Variants in ARHGAP6 observed in about 807,000 individuals in gnomAD.
ARHGAP6 encodes rho GTPase-activating protein 6.
A neutral mutation model predicts 55.7 loss-of-function variants in ARHGAP6; 16 were observed. The ratio of observed to expected loss-of-function variants is 0.29; its 90% CI spans 0.19 to 0.44. ARHGAP6 has a LOEUF of 0.44. ARHGAP6 is among the 20% of genes least tolerant of loss of function. The pLI is 1.00. For synonymous variants in ARHGAP6, 382 were observed against 360.9 expected (o/e 1.06, Z -0.66); for missense variants, 698 against 808.9 (o/e 0.86, Z 1.66).
intron 1 of ARHGAP6, among the ~76,000 whole-genome samples, chrX:11,345,462 T>C (rs1355116479): frequency 1.8e-5 from 2 of 112,681 alleles, no homozygotes; most frequent in Admixed American, 9.3e-5. Context: ...AACAAATACA[T>C]AGATACTTGT....
At chrX:11,300,514 T>C in intron 1 of ARHGAP6, 1 of 770,837 alleles carries the variant, frequency 1.3e-6, no homozygotes, top group Non-Finnish European at 2.0e-6. Flanking sequence ...GTACATTGTT[T>C]TGACAAAACT....
chrX:11,227,702 C>T (rs919705512), intron 2 of ARHGAP6, among the ~76,000 whole-genome samples: 19 of 110,966 alleles, frequency 1.7e-4, no homozygotes, highest in African/African-American at 6.2e-4. Context: ...CCCAACTCTC[C>T]AGATTGACAG....
chrX:11,531,600 T>G (rs2051050290), intron 1 of ARHGAP6, among the ~76,000 whole-genome samples: 2 of 110,791 alleles, frequency 1.8e-5, no homozygotes, highest in African/African-American at 6.5e-5. Flanking sequence ...GGGGGTTCTT[T>G]TTTTTTTTGG....
intron 1 of ARHGAP6, among the ~76,000 whole-genome samples, chrX:11,346,188 C>T (rs986329754): frequency 4.5e-5 from 5 of 111,750 alleles, no homozygotes; most frequent in African/African-American, 1.6e-4. Flanking sequence ...AACAATTTTT[C>T]TCCCAGAGTA....
At chrX:11,531,580 A>G (rs2051049789) in intron 1 of ARHGAP6, among the ~76,000 whole-genome samples, 1 of 107,302 alleles carries the variant, frequency 9.3e-6, no homozygotes, top group African/African-American at 3.5e-5. Context: ...GTCAACCTAG[A>G]TTAATGACAG....
chrX:11,520,330 G>C (rs1272746271), intron 1 of ARHGAP6, among the ~76,000 whole-genome samples: 7 of 99,188 alleles, frequency 7.1e-5, no homozygotes, highest in African/African-American at 2.2e-4. Context: ...CCCCACAACA[G>C]GCCCCAGTGT....
chrX:11,139,326 G>A lies in ARHGAP6; in HGVS notation c.2462C>T (p.Thr821Met), dbSNP rs1159217685. The A allele has an allele frequency of 1.7e-5, 20 of 1,180,832 alleles. No individual in the cohort carries two copies. Among genetic ancestry groups the A allele is most frequent in the Non-Finnish European group, 3.4e-6 (3 of 881,411 alleles). The change falls in exon 13 of 13, where the codon ACG becomes ATG. Residue 821 changes from threonine (T) to methionine (M), a missense_variant. By Grantham distance (81) the Thr-to-Met change is moderately conservative (BLOSUM62 -1). Coordinates refer to ENST00000337414, the MANE Select transcript of ARHGAP6 (RefSeq NM_013427.3). Reference protein sequence around the residue: ...AHPAVSRACSTPHVQVAGKAE... With the variant: ...AHPAVSRACSMPHVQVAGKAE... ...TTTCCCTGCCACCTGGACGTGGGGC[G>A]TGCTGCAGGCGCGCGACACCGCAGG...
chrX:11,466,559 C>T (rs1321276502), intron 1 of ARHGAP6, among the ~76,000 whole-genome samples: 3 of 111,864 alleles, frequency 2.7e-5, no homozygotes, highest in East Asian at 2.8e-4. Flanking sequence ...GGCTGGAGTG[C>T]AGTGGCACAA....
At chrX:11,481,790 C>G (rs2050459165) in intron 1 of ARHGAP6, among the ~76,000 whole-genome samples, 1 of 112,529 alleles carries the variant, frequency 8.9e-6, no homozygotes, top group African/African-American at 3.2e-5. Flanking sequence ...AACCCTAATT[C>G]TAAGGAAAGA....
At chrX:11,449,455 C>T (rs934647527) in intron 1 of ARHGAP6, among the ~76,000 whole-genome samples, 2 of 111,841 alleles carry the variant, frequency 1.8e-5, no homozygotes, top group Non-Finnish European at 3.8e-5. Context: ...TTTTCTCTCC[C>T]GCCTGGGCAC....
intron 2 of ARHGAP6, among the ~76,000 whole-genome samples, chrX:11,203,420 T>C (rs187928448): frequency 1.5e-4 from 17 of 111,695 alleles, no homozygotes; most frequent in African/African-American, 5.2e-4. Flanking sequence ...TGTGATTCAG[T>C]CACGCCACAA....
intron 1 of ARHGAP6, among the ~76,000 whole-genome samples, chrX:11,578,565 C>G (rs983928563): frequency 1.8e-5 from 2 of 111,748 alleles, no homozygotes; most frequent in Non-Finnish European, 3.8e-5. Flanking sequence ...AATAGGAACG[C>G]TTTTACACTG....
intron 1 of ARHGAP6, among the ~76,000 whole-genome samples, chrX:11,650,848 A>T (rs1418080872): frequency 8.9e-6 from 1 of 112,321 alleles, no homozygotes; most frequent in East Asian, 2.8e-4. Flanking sequence ...GATTCATATC[A>T]CACTTTGTGA....
At chrX:11,375,284 T>C (rs2049187859) in intron 1 of ARHGAP6, among the ~76,000 whole-genome samples, 1 of 112,209 alleles carries the variant, frequency 8.9e-6, no homozygotes, top group Non-Finnish European at 1.9e-5. Flanking sequence ...CTCTGCAATG[T>C]CCATACATGA....
At chrX:11,621,341 G>C (rs182148449) in intron 1 of ARHGAP6, among the ~76,000 whole-genome samples, 27 of 111,750 alleles carry the variant, frequency 2.4e-4, no homozygotes, top group African/African-American at 8.4e-4. Context: ...AAAATAGCTT[G>C]ACAAAGACTT....
chrX:11,572,274 G>C (rs2051530491), intron 1 of ARHGAP6, among the ~76,000 whole-genome samples: 1 of 109,602 alleles, frequency 9.1e-6, no homozygotes, highest in African/African-American at 3.3e-5. Flanking sequence ...TGCCACGCTG[G>C]TGTGCCGTAC....
intron 1 of ARHGAP6, chrX:11,367,907 T>C (rs1490835214): frequency 5.0e-6 from 2 of 400,121 alleles, no homozygotes; most frequent in African/African-American, 5.5e-5. Flanking sequence ...CCTTCCTGGT[T>C]TCCTGCACTG....
At position 11,188,881 on chromosome X, in the gene ARHGAP6, T is replaced by G; in HGVS notation, c.924A>C (p.Ala308=). 3.3e-6 allele frequency: 4 copies of G among 1,211,638 alleles called. No individual in the cohort carries two copies. In the Middle Eastern group the frequency reaches 9.2e-4, roughly 278 times the overall value. The change falls in exon 4 of 13, where the codon GCA becomes GCC. Residue 308 remains alanine (A), a synonymous_variant. Transcript: ENST00000337414. The part of the protein sequence containing the change: ...QDLQRDEQKD[A]SDFVASLLPF... ...GGAGGAGGGAAGCCACAAAGTCAGA[T>G]GCATCTTTCTGCTCGTCCCTCTGCA... is the stretch of plus-strand genomic sequence containing the variant.
At chrX:11,552,600 A>ATATATATATATATATATG (rs59361607) in intron 1 of ARHGAP6, among the ~76,000 whole-genome samples, 1 of 62,588 alleles carries the variant, frequency 1.6e-5, no homozygotes, top group African/African-American at 6.2e-5. Flanking sequence ...ATATATATAT[A>ATATATATATATATATATG]GACACACACA....
Sources: gnomAD v4.1 joint callset for allele counts (sites outside exome capture counted in the v4.1 genomes callset) on GRCh38, gnomAD v4.1.1 for gene constraint, MANE v1.5 for transcripts, NCBI Gene and HGNC (gene_info 2026-07-23, HGNC 2026-07-21) for gene names.